The following SGCZ variants were observed in gnomAD, a reference collection of about 807,000 sequenced individuals.
SGCZ encodes the protein zeta-sarcoglycan.
In SGCZ, 40 loss-of-function variants were observed where a neutral mutation model predicts 41.3. The ratio of observed to expected loss-of-function variants is 0.97; its 90% CI spans 0.75 to 1.26. The LOEUF (loss-of-function observed/expected upper bound fraction) is 1.26. Among genes scored for constraint, SGCZ ranks in the 50% most tolerant of loss-of-function variants. The pLI is 0.00. For synonymous variants in SGCZ, 206 were observed against 137.5 expected (o/e 1.50, Z -3.49); for missense variants, 552 against 369.8 (o/e 1.49, Z -4.04).
intron 1 of SGCZ, among the ~76,000 whole-genome samples, chr8:14,781,014 G>A (rs1219801084): frequency 6.6e-6 from 1 of 152,128 alleles, no homozygotes; most frequent in Non-Finnish European, 1.5e-5. Context: ...GTTTAAACTA[G>A]CAGACTTTTG....
At position 14,180,178 on chromosome 8, in the gene SGCZ, C is replaced by T. The variant is rs574769574; in HGVS notation, c.425-15476G>A. On this transcript the variant is annotated intron_variant, in intron 4 of 7. Transcript: ENST00000382080. The stretch of plus-strand genomic sequence containing the variant: ...AACAAGTGGAGCCCATCACCAAAAA[C>T]AGTCTGTCACAATAAAAATCCCATA... Among the ~76,000 whole-genome samples the T allele has an allele frequency of 3.5e-4, 54 of 152,194 alleles. 1 individual carries two copies. The highest frequency in any genetic ancestry group is 4.6e-4 in the Admixed American group (7 of 15,282).
chr8:14,575,704 CG>C (rs1380167848), intron 1 of SGCZ, among the ~76,000 whole-genome samples: 1 of 151,836 alleles, frequency 6.6e-6, no homozygotes, highest in Non-Finnish European at 1.5e-5. Context: ...GTCAGGAGTT[CG>C]AGATCAGCCT....
intron 1 of SGCZ, among the ~76,000 whole-genome samples, chr8:14,772,572 TC>T (rs1800278013): frequency 1.1e-5 from 1 of 95,230 alleles, no homozygotes; most frequent in Non-Finnish European, 2.0e-5. Context: ...ATGCTCTCCC[TC>T]CCCCCTCCCC....
intron 1 of SGCZ, among the ~76,000 whole-genome samples, chr8:14,863,843 CAG>C (rs575626942): frequency 4.9e-4 from 75 of 152,154 alleles, no homozygotes; most frequent in African/African-American, 1.7e-3. Flanking sequence ...CTAATATACT[CAG>C]GGGGGCAATT....
At chr8:15,211,128 T>C (rs1341042897) in intron 1 of SGCZ, among the ~76,000 whole-genome samples, 2 of 151,564 alleles carry the variant, frequency 1.3e-5, no homozygotes, top group African/African-American at 2.4e-5. Flanking sequence ...GATGTATCTA[T>C]ACCTACACAG....
At chr8:14,368,402 A>T (rs73520227) in intron 2 of SGCZ, among the ~76,000 whole-genome samples, 1 of 152,204 alleles carries the variant, frequency 6.6e-6, no homozygotes, top group African/African-American at 2.4e-5. Flanking sequence ...TATCCGTTAG[A>T]TAGACTAAGG....
intron 1 of SGCZ, among the ~76,000 whole-genome samples, chr8:14,841,686 T>C (rs772277684): frequency 6.6e-6 from 1 of 152,194 alleles, no homozygotes; most frequent in Non-Finnish European, 1.5e-5. Flanking sequence ...GACAAGCCCA[T>C]ACTAAATGGA....
chr8:14,422,196 T>G (rs1799654765), intron 2 of SGCZ, among the ~76,000 whole-genome samples: 1 of 152,080 alleles, frequency 6.6e-6, no homozygotes, highest in African/African-American at 2.4e-5. Flanking sequence ...AGAAAAGTAA[T>G]GAGATAAACA....
chr8:14,806,597 C>T (rs533567943), intron 1 of SGCZ, among the ~76,000 whole-genome samples: 3 of 152,092 alleles, frequency 2.0e-5, no homozygotes, highest in Non-Finnish European at 4.4e-5. Flanking sequence ...CAATAGCTTA[C>T]CAACCAAAAA....
chr8:15,217,146 G>A (rs371532111), intron 1 of SGCZ, among the ~76,000 whole-genome samples: 12 of 152,236 alleles, frequency 7.9e-5, no homozygotes, highest in African/African-American at 1.9e-4. Context: ...GGCCGGGCGC[G>A]GTGGCTCACG....
intron 1 of SGCZ, among the ~76,000 whole-genome samples, chr8:14,630,155 T>C (rs111982005): frequency 2.6e-4 from 39 of 152,286 alleles, no homozygotes; most frequent in African/African-American, 8.9e-4. Context: ...AAATGAATCT[T>C]TGCATTTGTG....
chr8:14,585,290 C>T, intron 1 of SGCZ, among the ~76,000 whole-genome samples: 1 of 152,120 alleles, frequency 6.6e-6, no homozygotes, highest in Non-Finnish European at 1.5e-5. Context: ...TATATTTGTA[C>T]TATTCATCTT....
intron 4 of SGCZ, among the ~76,000 whole-genome samples, chr8:14,205,743 A>G (rs762288806): frequency 1.3e-5 from 2 of 152,164 alleles, no homozygotes; most frequent in Non-Finnish European, 2.9e-5. Flanking sequence ...GTTGAATGGC[A>G]TAATAATTTT....
intron 2 of SGCZ, among the ~76,000 whole-genome samples, chr8:14,430,914 G>A (rs527584022): frequency 1.3e-5 from 2 of 152,082 alleles, no homozygotes; most frequent in African/African-American, 4.8e-5. Context: ...ACCAAGCTGA[G>A]AATCAAATCA....
At chr8:14,783,161 C>A (rs1201976862) in intron 1 of SGCZ, among the ~76,000 whole-genome samples, 1 of 152,026 alleles carries the variant, frequency 6.6e-6, no homozygotes, top group Non-Finnish European at 1.5e-5. Flanking sequence ...TGGCCGGGCA[C>A]GGTGGCTCAC....
At chr8:14,330,952 T>C (rs1196283028) in intron 2 of SGCZ, among the ~76,000 whole-genome samples, 1 of 152,038 alleles carries the variant, frequency 6.6e-6, no homozygotes, top group Non-Finnish European at 1.5e-5. Context: ...TAGACATCTT[T>C]TCTGGATAAA....
intron 1 of SGCZ, among the ~76,000 whole-genome samples, chr8:14,682,972 AT>A (rs1351003435): frequency 6.6e-6 from 1 of 152,166 alleles, no homozygotes; most frequent in Non-Finnish European, 1.5e-5. Context: ...ATTTGTAATT[AT>A]TGGGGTGGCC....
Position 14,514,823 on chromosome 8 carries a change from A to ACG in SGCZ, c.234+39907_234+39908dup, listed in dbSNP as rs1563379018. Among the ~76,000 whole-genome samples, 32 of 117,738 alleles carry ACG rather than the reference A, an allele frequency of 2.7e-4. 1 individual carries two copies. Among genetic ancestry groups the ACG allele is most frequent in the South Asian group, 7.8e-4 (3 of 3,856 alleles). 77.2% of individuals were successfully genotyped at this position (117,738 alleles called of 152,430 possible). ...TGTGTGTGTGTGTGTGTATATATAC[A>ACG]CGCACACACACACACACACACTGCA... On this transcript the variant is annotated intron_variant, in intron 2 of 7. Coordinates refer to ENST00000382080, the MANE Select transcript of SGCZ (RefSeq NM_139167.4).
rs1800408301 is a variant in SGCZ, at chr8:14,445,611, C to T, written c.234+109121G>A. On this transcript the variant is annotated intron_variant, in intron 2 of 7. Transcript: ENST00000382080. ...TCAACAAAATTCTCCCCCATTACCA[C>T]CCTTTGAGAATCCCATGCCACCTCA... Among the ~76,000 whole-genome samples, 3 of 152,144 alleles carry T rather than the reference C, an allele frequency of 2.0e-5. No individual in the cohort carries two copies. The South Asian group carries it at 6.2e-4, about 31-fold the overall frequency.
Sources: gnomAD v4.1 joint callset for allele counts (sites outside exome capture counted in the v4.1 genomes callset) on GRCh38, gnomAD v4.1.1 for gene constraint, MANE v1.5 for transcripts, NCBI Gene and HGNC (gene_info 2026-07-23, HGNC 2026-07-21) for gene names.